EIF3K: variants seen among roughly 807,000 people sequenced by gnomAD.
The protein encoded by EIF3K is eIF-3 p28.
Under a neutral mutation model 34.2 loss-of-function variants are expected in EIF3K, and 27 were observed. The ratio of observed to expected loss-of-function variants is 0.79; its 90% CI spans 0.58 to 1.09. The LOEUF (loss-of-function observed/expected upper bound fraction) is 1.09, where lower values mean the gene tolerates loss of function less well. Ranked by LOEUF, EIF3K falls within the 50% of genes least tolerant of loss-of-function variation. EIF3K has a pLI of 0.00. For synonymous variants in EIF3K, 105 were observed against 105.7 expected, an observed-to-expected ratio of 0.99 and a Z score of 0.04; for missense variants, 232 against 275.4, an observed-to-expected ratio of 0.84 and a Z score of 1.11.
At chr19:38,620,301 T>A in intron 1 of EIF3K, 36 bp from the exon 2 acceptor site, 13 of 1,593,938 alleles carry the variant, frequency 8.2e-6, no homozygotes, top group Non-Finnish European at 1.1e-5. Context: ...TCAGCTTCTG[T>A]CTCCTCTGTG....
chr19:38,621,773 G>GT (rs1481521407), intron 2 of EIF3K, among the ~76,000 whole-genome samples: 5 of 151,800 alleles, frequency 3.3e-5, no homozygotes, highest in Non-Finnish European at 7.4e-5. Context: ...AGTGTTTTTT[G>GT]TTTTTTTGTT....
At chr19:38,620,595 G>C (rs1214585634) in intron 2 of EIF3K, among the ~76,000 whole-genome samples, 160 bp downstream of exon 2, 2 of 152,114 alleles carry the variant, frequency 1.3e-5, no homozygotes, top group Non-Finnish European at 2.9e-5. Context: ...AGGAGGGATG[G>C]TTTTTGAAAA....
intron 2 of EIF3K, among the ~76,000 whole-genome samples, chr19:38,622,857 T>C (rs1014326915): frequency 2.0e-5 from 3 of 152,266 alleles, no homozygotes; most frequent in Non-Finnish European, 4.4e-5. Flanking sequence ...CATTTGCTTT[T>C]GAAAGAAGAG....
intron 2 of EIF3K, among the ~76,000 whole-genome samples, chr19:38,621,197 TA>T (rs34987023): frequency 0.041 from 4,944 of 120,052 alleles, 84 homozygotes; most frequent in African/African-American, 0.066. Context: ...CCCCTCTTTT[TA>T]AAAAAAAAAA....
At position 38,619,332 on chromosome 19, in the gene EIF3K, G is replaced by C; in HGVS notation, c.59+5G>C. 2 of 1,613,784 alleles carry C rather than the reference G, an allele frequency of 1.2e-6. No homozygotes were observed. Among genetic ancestry groups the C allele is most frequent in the Non-Finnish European group, 1.7e-6 (2 of 1,179,800 alleles). On this transcript the variant is annotated splice_donor_5th_base_variant and intron_variant, in intron 1 of 7. Coordinates refer to ENST00000248342, the MANE Select transcript of EIF3K (RefSeq NM_013234.4). The stretch of plus-strand genomic sequence containing the variant: ...GTTGCTCAAGGGTATCGACAGGTCT[G>C]AGCCCGGTTGGAGGAAGCGCTCTGG...
intron 7 of EIF3K, chr19:38,635,600 CCTTACA>C (rs1368405681): frequency 5.6e-6 from 1 of 179,094 alleles, no homozygotes; most frequent in African/African-American, 2.4e-5. Flanking sequence ...CTGTGTAGGT[CCTTACA>C]CTTACATCAT....
intron 3 of EIF3K, among the ~76,000 whole-genome samples, chr19:38,625,218 G>A (rs758284171): frequency 5.9e-5 from 9 of 151,834 alleles, no homozygotes; most frequent in Admixed American, 6.6e-5. Context: ...AGTCTGGAGT[G>A]CAGTGGCGTG....
At chr19:38,623,154 A>G (rs1038326523) in intron 2 of EIF3K, among the ~76,000 whole-genome samples, 1 of 152,210 alleles carries the variant, frequency 6.6e-6, no homozygotes, top group Non-Finnish European at 1.5e-5. Context: ...AAATCTTTAC[A>G]ATTTATGTTT....
chr19:38,621,414 A>AAAAAACAAAAAAAAAAAT (rs1975838255), intron 2 of EIF3K, among the ~76,000 whole-genome samples: 1 of 152,170 alleles, frequency 6.6e-6, no homozygotes, highest in East Asian at 1.9e-4. Flanking sequence ...CCCTGTCTCA[A>AAAAAACAAAAAAAAAAAT]AAATAAATAA....
intron 2 of EIF3K, among the ~76,000 whole-genome samples, chr19:38,622,575 A>G (rs1043043815): frequency 2.6e-5 from 4 of 152,264 alleles, no homozygotes; most frequent in African/African-American, 9.6e-5. Flanking sequence ...AAAATTGCTA[A>G]TGAAGTTTTG....
At chr19:38,623,274 C>T (rs562804590) in intron 2 of EIF3K, among the ~76,000 whole-genome samples, 4 of 152,342 alleles carry the variant, frequency 2.6e-5, no homozygotes, top group East Asian at 1.9e-4. Flanking sequence ...TGGCTTCAGC[C>T]GGTCCCTCCG....
At position 38,619,219 on chromosome 19, in the gene EIF3K, G is replaced by A. The variant is rs201812654; in HGVS notation, c.-50G>A. ...CTGTTCCCGTCCTTGAGGACGCCGT[G>A]CCGGGTCAGTGTTAGCCTCCAGCCC... On this transcript the variant is annotated 5_prime_UTR_variant, in exon 1 of 8. Coordinates refer to ENST00000248342, the MANE Select transcript of EIF3K (RefSeq NM_013234.4). The A allele has an allele frequency of 9.4e-6, 15 of 1,600,782 alleles. No homozygotes were observed. The highest frequency in any genetic ancestry group is 8.5e-7 in the Non-Finnish European group (1 of 1,169,622).
chr19:38,621,054 T>TA, intron 2 of EIF3K, among the ~76,000 whole-genome samples: 1 of 151,692 alleles, frequency 6.6e-6, no homozygotes, highest in South Asian at 2.1e-4. Context: ...ATTTAAAAAT[T>TA]AATGTAGCGG....
At chr19:38,632,375 A>C (rs1976087914) in intron 4 of EIF3K, 55 bp from the exon 5 acceptor site, 1 of 1,552,770 alleles carries the variant, frequency 6.4e-7, no homozygotes, top group African/African-American at 1.4e-5. Context: ...ATAAATAAAA[A>C]TAAAAGCAAA....
chr19:38,628,236 C>T (rs1975988593), intron 4 of EIF3K, among the ~76,000 whole-genome samples: 1 of 152,086 alleles, frequency 6.6e-6, no homozygotes, highest in Admixed American at 6.6e-5. Context: ...AATACTGATA[C>T]TTGGGTCCTC....
chr19:38,632,194 T>A (rs1976083698), intron 4 of EIF3K: 3 of 494,636 alleles, frequency 6.1e-6, no homozygotes, highest in Non-Finnish European at 1.1e-5. Context: ...CGTGGGCAGA[T>A]CACTTGAGCC....
intron 7 of EIF3K, chr19:38,635,455 A>G: frequency 2.5e-6 from 1 of 403,838 alleles, no homozygotes. Flanking sequence ...TGGGGTGCCC[A>G]AGCCTCATGT....
At position 38,635,002 on chromosome 19, in the gene EIF3K, T is replaced by C; in HGVS notation, c.509T>C (p.Leu170Pro). 6.2e-7 allele frequency: 1 copy of C among 1,614,108 alleles called. No individual in the cohort carries two copies. Among genetic ancestry groups the C allele is most frequent in the East Asian group, 2.2e-5 (1 of 44,886 alleles). Residue 170 changes from leucine to proline, a missense_variant, in exon 7 of 8, where the codon CTA becomes CCA. Transcript: ENST00000248342. ...EMLGDLSDSQLKVWMSKYGWS... is the reference protein window; with the variant it reads ...EMLGDLSDSQPKVWMSKYGWS... ...CCCCTGTCACCTGCAGACAGCCAGC[T>C]AAAGGTGTGGATGAGCAAATACGGC...
At chr19:38,628,489 C>T (rs1330339643) in intron 4 of EIF3K, 1 of 152,600 alleles carries the variant, frequency 6.6e-6, no homozygotes, top group Non-Finnish European at 1.5e-5. Context: ...AGCTCCAACC[C>T]TCTTTCTCTG....
Sources: gnomAD v4.1 joint callset for allele counts (sites outside exome capture counted in the v4.1 genomes callset) on GRCh38, gnomAD v4.1.1 for gene constraint, MANE v1.5 for transcripts, NCBI Gene and HGNC (gene_info 2026-07-23, HGNC 2026-07-21) for gene names.